The following RYR2 variants were observed in gnomAD, a reference collection of about 807,000 sequenced individuals.
RYR2 encodes ryanodine receptor 2.
In RYR2, 227 loss-of-function variants were observed where a neutral mutation model predicts 601.1. That is an observed-to-expected ratio of 0.38 (90% CI 0.34 to 0.42). The LOEUF is 0.42. Ranked by LOEUF, RYR2 falls within the 10% of genes least tolerant of loss-of-function variation. The pLI is 1.00. For missense variants in RYR2, 4,646 were observed against 6,156.5 expected (o/e 0.75, Z 8.21); for synonymous variants, 2,223 against 2,175.1 (o/e 1.02, Z -0.61).
intron 27 of RYR2, among the ~76,000 whole-genome samples, chr1:237,553,427 A>G (rs1397793346): frequency 6.6e-6 from 1 of 151,934 alleles, no homozygotes; most frequent in Non-Finnish European, 1.5e-5. Context: ...ATTGATCTTT[A>G]TGTCTGTCCT....
chr1:237,272,228 T>C (rs75887821), intron 2 of RYR2, among the ~76,000 whole-genome samples: 116 of 152,200 alleles, frequency 7.6e-4, no homozygotes, highest in African/African-American at 2.6e-3. Flanking sequence ...TGGACTTTTA[T>C]AGCTAACTAT....
intron 1 of RYR2, among the ~76,000 whole-genome samples, chr1:237,071,385 G>A (rs372649111): frequency 2.5e-4 from 38 of 152,140 alleles, no homozygotes; most frequent in Middle Eastern, 3.4e-3. Flanking sequence ...CGCCATGCCC[G>A]GCTAATTTTT....
intron 52 of RYR2, among the ~76,000 whole-genome samples, chr1:237,655,527 TAAC>T (rs774218564): frequency 6.6e-6 from 1 of 152,216 alleles, no homozygotes; most frequent in African/African-American, 2.4e-5. Flanking sequence ...GTTTATCTCT[TAAC>T]AATATTTTAC....
At chr1:237,365,360 G>A (rs548194214) in intron 5 of RYR2, among the ~76,000 whole-genome samples, 1 of 152,286 alleles carries the variant, frequency 6.6e-6, no homozygotes, top group South Asian at 2.1e-4. Flanking sequence ...AACTGAACCA[G>A]GTGCATTGTG....
intron 2 of RYR2, among the ~76,000 whole-genome samples, chr1:237,304,638 A>G (rs1385649069): frequency 6.6e-6 from 1 of 152,172 alleles, no homozygotes; most frequent in African/African-American, 2.4e-5. Context: ...AAAGGTGGTG[A>G]AGGTTTTCTC....
intron 17 of RYR2, among the ~76,000 whole-genome samples, chr1:237,473,425 C>CCTT (rs1558878131): frequency 1.6e-5 from 2 of 124,820 alleles, no homozygotes; most frequent in Admixed American, 8.5e-5. Flanking sequence ...CTCCATCTCT[C>CCTT]TCTCTCTCTT....
chr1:237,717,385 T>C lies in RYR2; in HGVS notation c.10494+17T>C, dbSNP rs1271398033. 1 of 1,580,944 alleles carries C rather than the reference T, an allele frequency of 6.3e-7. No individual in the cohort carries two copies. The highest frequency in any genetic ancestry group is 8.6e-7 in the Non-Finnish European group (1 of 1,161,362). On this transcript the variant is annotated intron_variant, in intron 72 of 104. Coordinates refer to ENST00000366574, the MANE Select transcript of RYR2 (RefSeq NM_001035.3). ...TTTAGCCTGGTAAGTCTCCTTTTCA[T>C]CCCAGCGGTAATGATCATCTGACCT...
At chr1:237,282,468 A>G (rs1331478931) in intron 2 of RYR2, among the ~76,000 whole-genome samples, 1 of 152,130 alleles carries the variant, frequency 6.6e-6, no homozygotes, top group Non-Finnish European at 1.5e-5. Flanking sequence ...GATTTGGTCC[A>G]TGGCCATGAT....
intron 23 of RYR2, 68 bp downstream of exon 23, chr1:237,506,882 C>G (rs1665318868): frequency 7.8e-7 from 1 of 1,285,308 alleles, no homozygotes. Context: ...ACTTTTTCTG[C>G]CTTTTCCCGC....
At chr1:237,312,251 A>G (rs1258115261) in intron 2 of RYR2, among the ~76,000 whole-genome samples, 3 of 152,218 alleles carry the variant, frequency 2.0e-5, no homozygotes, top group African/African-American at 7.2e-5. Context: ...TCCCCAGGTA[A>G]GTTCACAAAA....
chr1:237,108,331 C>T (rs577260959), intron 1 of RYR2, among the ~76,000 whole-genome samples: 22 of 152,224 alleles, frequency 1.4e-4, no homozygotes, highest in South Asian at 8.3e-4. Flanking sequence ...TGAATTGAGA[C>T]AAAAACAATG....
At chr1:237,617,609 T>C in intron 38 of RYR2, 123 bp downstream of exon 38, 1 of 906,042 alleles carries the variant, frequency 1.1e-6, no homozygotes, top group Non-Finnish European at 1.6e-6. Context: ...AGTCTTCAAG[T>C]TGATTTAGTT....
At position 237,312,951 on chromosome 1, in the gene RYR2, T is replaced by C. The variant is rs568384271; in HGVS notation, c.169-17927T>C. On this transcript the variant is annotated intron_variant, in intron 2 of 104. Transcript: ENST00000366574. Reference sequence around the variant, plus strand: ...AGACCATTAAAACAAAACACCAAGATAGACTGAACTTGAAGCCAGTCCTTT... The same window carrying C: ...AGACCATTAAAACAAAACACCAAGACAGACTGAACTTGAAGCCAGTCCTTT... 6.4e-4 allele frequency among the ~76,000 whole-genome samples: 97 copies of C among 152,278 alleles called. No individual in the cohort carries two copies. In the Middle Eastern group the frequency reaches 0.01, roughly 16 times the overall value.
At chr1:237,684,316 A>C (rs1264337006) in intron 62 of RYR2, among the ~76,000 whole-genome samples, 2 of 151,952 alleles carry the variant, frequency 1.3e-5, no homozygotes, top group Non-Finnish European at 1.5e-5. Flanking sequence ...ACACAATAAC[A>C]CAGTTCCTAA....
chr1:237,108,978 C>T (rs1011029340), intron 1 of RYR2, among the ~76,000 whole-genome samples: 3 of 152,138 alleles, frequency 2.0e-5, no homozygotes, highest in African/African-American at 7.2e-5. Flanking sequence ...TTTACATGAA[C>T]ATGAGCAAAT....
At chr1:237,505,886 T>C (rs1372949154) in intron 22 of RYR2, among the ~76,000 whole-genome samples, 1 of 152,220 alleles carries the variant, frequency 6.6e-6, no homozygotes, top group Non-Finnish European at 1.5e-5. Context: ...TGGGAACATA[T>C]AAAGATTTTG....
At chr1:237,189,318 G>A (rs1345075169) in intron 1 of RYR2, among the ~76,000 whole-genome samples, 1 of 152,150 alleles carries the variant, frequency 6.6e-6, no homozygotes, top group Non-Finnish European at 1.5e-5. Context: ...TGGACATGTG[G>A]GCTGCTTCCA....
At chr1:237,052,369 A>G (rs751713720) in intron 1 of RYR2, among the ~76,000 whole-genome samples, 1 of 152,228 alleles carries the variant, frequency 6.6e-6, no homozygotes, top group African/African-American at 2.4e-5. Context: ...TAAATGGCCA[A>G]TGGTGAAGTA....
chr1:237,544,837 T>C (rs935684339), intron 25 of RYR2, among the ~76,000 whole-genome samples: 5 of 152,186 alleles, frequency 3.3e-5, no homozygotes, highest in Non-Finnish European at 5.9e-5. Context: ...TTCATACTGG[T>C]GAAACATTCA....
Sources: allele counts gnomAD v4.1 joint callset (sites outside exome capture counted in the v4.1 genomes callset), GRCh38; gene constraint gnomAD v4.1.1; transcripts MANE v1.5; gene names NCBI Gene and HGNC (gene_info 2026-07-23, HGNC 2026-07-21).